Variants in GRXCR1 observed in about 807,000 individuals in gnomAD.
GRXCR1 encodes the protein glutaredoxin and cysteine rich domain containing 1, also known as glutaredoxin domain-containing cysteine-rich protein 1.
A neutral mutation model predicts 27.3 loss-of-function variants in GRXCR1; 27 were observed. The ratio of observed to expected loss-of-function variants is 0.99; its 90% CI spans 0.73 to 1.37. GRXCR1 has a LOEUF of 1.37. GRXCR1 is among the 40% of genes most tolerant of loss of function. GRXCR1 has a pLI of 0.00. For synonymous variants in GRXCR1, 122 were observed against 131.1 expected, an observed-to-expected ratio of 0.93 and a Z score of 0.47; for missense variants, 379 against 354.4, an observed-to-expected ratio of 1.07 and a Z score of -0.56.
intron 1 of GRXCR1, among the ~76,000 whole-genome samples, chr4:42,962,390 C>G (rs770753529): frequency 2.6e-5 from 4 of 151,926 alleles, no homozygotes; most frequent in African/African-American, 4.8e-5. Context: ...CTACTTAAAA[C>G]TTAGAAAAAT....
intron 2 of GRXCR1, among the ~76,000 whole-genome samples, chr4:42,963,615 T>C (rs1399754362): frequency 6.6e-6 from 1 of 151,990 alleles, no homozygotes; most frequent in Admixed American, 6.6e-5. Flanking sequence ...AAAATTATTT[T>C]TAACTTGGGT....
intron 2 of GRXCR1, among the ~76,000 whole-genome samples, chr4:43,002,816 A>G (rs958321715): frequency 2.0e-5 from 3 of 152,234 alleles, no homozygotes; most frequent in Non-Finnish European, 4.4e-5. Context: ...ATTGAAACTT[A>G]TGAATGATGT....
chr4:42,955,101 C>T (rs1009717606), intron 1 of GRXCR1, among the ~76,000 whole-genome samples: 18 of 152,106 alleles, frequency 1.2e-4, no homozygotes, highest in Non-Finnish European at 2.6e-4. Context: ...TTTAAAATCG[C>T]TGTTCCTGGA....
chr4:42,904,636 A>G (rs11734715), intron 1 of GRXCR1, among the ~76,000 whole-genome samples: 30,062 of 152,112 alleles, frequency 0.2, 3,670 homozygotes, highest in Admixed American at 0.29. Flanking sequence ...TATGAAATGA[A>G]TGAGTTATTG....
intron 3 of GRXCR1, among the ~76,000 whole-genome samples, chr4:43,030,125 C>T (rs2109812275): frequency 6.6e-6 from 1 of 152,330 alleles, no homozygotes; most frequent in South Asian, 2.1e-4. Context: ...AATTTACCCA[C>T]TTTACAAACC....
chr4:43,016,740 T>G (rs1381820317), intron 2 of GRXCR1, among the ~76,000 whole-genome samples: 1 of 152,116 alleles, frequency 6.6e-6, no homozygotes, highest in Non-Finnish European at 1.5e-5. Context: ...TAATGTTGAA[T>G]GAATGGATAA....
intron 1 of GRXCR1, among the ~76,000 whole-genome samples, chr4:42,897,501 T>C (rs1158555951): frequency 6.6e-6 from 1 of 152,216 alleles, no homozygotes; most frequent in East Asian, 1.9e-4. Context: ...ATTAAACATA[T>C]AACCTCCGTC....
intron 2 of GRXCR1, among the ~76,000 whole-genome samples, chr4:43,013,400 T>A (rs934630896): frequency 6.6e-6 from 1 of 152,140 alleles, no homozygotes. Flanking sequence ...AAATATTGCA[T>A]GTTCTCATTT....
At chr4:42,915,016 G>A (rs1746853847) in intron 1 of GRXCR1, among the ~76,000 whole-genome samples, 1 of 152,138 alleles carries the variant, frequency 6.6e-6, no homozygotes, top group Non-Finnish European at 1.5e-5. Context: ...GTGGAACTGT[G>A]AGTCAATTAA....
intron 1 of GRXCR1, among the ~76,000 whole-genome samples, chr4:42,937,361 G>A (rs1194223489): frequency 1.3e-5 from 2 of 151,392 alleles, no homozygotes; most frequent in African/African-American, 4.9e-5. Context: ...CTGCCCCAGT[G>A]CTATAATTAG....
intron 2 of GRXCR1, among the ~76,000 whole-genome samples, chr4:42,976,729 A>C (rs892122678): frequency 2.0e-5 from 3 of 152,024 alleles, no homozygotes; most frequent in African/African-American, 7.2e-5. Flanking sequence ...CATGTACAAC[A>C]TGATGTTTTG....
chr4:42,950,268 C>T (rs905816790), intron 1 of GRXCR1, among the ~76,000 whole-genome samples: 2 of 152,020 alleles, frequency 1.3e-5, no homozygotes, highest in Non-Finnish European at 2.9e-5. Context: ...TATTGTAGTC[C>T]CTTTTCTTCT....
intron 1 of GRXCR1, among the ~76,000 whole-genome samples, chr4:42,947,285 A>C (rs934107362): frequency 1.3e-5 from 2 of 152,076 alleles, no homozygotes; most frequent in Non-Finnish European, 2.9e-5. Context: ...CTAGCTGGAC[A>C]CAGAGGAGTG....
chr4:42,970,463 TC>T (rs977804582), intron 2 of GRXCR1, among the ~76,000 whole-genome samples: 5 of 152,080 alleles, frequency 3.3e-5, no homozygotes, highest in African/African-American at 1.2e-4. Flanking sequence ...AAGAGGAGGT[TC>T]CCAAACCTGA....
intron 1 of GRXCR1, among the ~76,000 whole-genome samples, chr4:42,958,578 A>G (rs767196844): frequency 9.9e-5 from 15 of 152,026 alleles, no homozygotes; most frequent in Non-Finnish European, 1.9e-4. Context: ...ACGCAAAACT[A>G]AAATGCTTCT....
intron 1 of GRXCR1, among the ~76,000 whole-genome samples, chr4:42,893,956 T>C (rs1031241090): frequency 3.3e-5 from 5 of 152,166 alleles, no homozygotes; most frequent in Admixed American, 3.3e-4. Context: ...AACTATGCTG[T>C]TCAAAGCATT....
In GRXCR1 at chr4:42,987,229, T is replaced by TTG. The variant is rs1560676788; in HGVS notation, c.627+24096_627+24097insGT. Reference sequence around the variant, plus strand: ...ATATATATTATATATATATTATATATTATATATATATAATATATAATATAT... The same window carrying TTG: ...ATATATATTATATATATATTATATATTGTATATATATATAATATATAATATAT... On this transcript the variant is annotated intron_variant, in intron 2 of 3. Transcript: ENST00000399770. Among the ~76,000 whole-genome samples, 415 of 92,228 alleles carry TTG rather than the reference T, an allele frequency of 4.5e-3. 2 individuals are homozygous for TTG. The highest frequency in any genetic ancestry group is 0.016 in the African/African-American group (389 of 23,812). 60.5% of individuals were successfully genotyped at this position (92,228 alleles called of 152,430 possible).
rs71201823 is a variant in GRXCR1, at chr4:42,981,153, A to AT, written c.627+18032dup. Among the ~76,000 whole-genome samples, 189 of 135,106 alleles carry AT rather than the reference A, an allele frequency of 1.4e-3. 1 individual carries two copies. Among genetic ancestry groups the AT allele is most frequent in the South Asian group, 7.4e-3 (31 of 4,200 alleles). 88.6% of individuals were successfully genotyped at this position (135,106 alleles called of 152,430 possible). On this transcript the variant is annotated intron_variant, in intron 2 of 3. Coordinates refer to ENST00000399770, the MANE Select transcript of GRXCR1 (RefSeq NM_001080476.3). ...TAGCTTAATGATTTTCTGTAGTGGT[A>AT]TTTTTTTTTTTTTGCTTTTTACTTT... is the stretch of plus-strand genomic sequence containing the variant.
intron 2 of GRXCR1, among the ~76,000 whole-genome samples, chr4:42,983,141 C>T (rs1270665023): frequency 3.3e-5 from 5 of 150,684 alleles, no homozygotes; most frequent in African/African-American, 1.2e-4. Context: ...ATGCCTATGT[C>T]CTGAATGGTA....
Sources: allele counts gnomAD v4.1 joint callset (sites outside exome capture counted in the v4.1 genomes callset), GRCh38; gene constraint gnomAD v4.1.1; transcripts MANE v1.5; gene names NCBI Gene and HGNC (gene_info 2026-07-23, HGNC 2026-07-21).